The following CDKAL1 variants were observed in gnomAD, a reference collection of about 807,000 sequenced individuals.
CDKAL1 encodes threonylcarbamoyladenosine tRNA methylthiotransferase.
A neutral mutation model predicts 68.2 loss-of-function variants in CDKAL1; 32 were observed. The observed-to-expected ratio is 0.47, with a 90% confidence interval of 0.35 to 0.63. CDKAL1 has a LOEUF of 0.63. Among genes scored for constraint, CDKAL1 ranks in the 30% least tolerant of loss-of-function variants. The pLI is 0.00. For missense variants in CDKAL1, 606 were observed against 696.7 expected (o/e 0.87, Z 1.47); for synonymous variants, 234 against 244.3 (o/e 0.96, Z 0.39).
At chr6:20,997,711 G>T (rs1020340274) in intron 10 of CDKAL1, among the ~76,000 whole-genome samples, 1 of 152,040 alleles carries the variant, frequency 6.6e-6, no homozygotes, top group Non-Finnish European at 1.5e-5. Flanking sequence ...TCTCTGGCCC[G>T]GGGTCATGTT....
intron 9 of CDKAL1, among the ~76,000 whole-genome samples, chr6:20,951,700 A>G (rs140847678): frequency 2.1e-3 from 322 of 152,312 alleles, no homozygotes; most frequent in African/African-American, 7.4e-3. Context: ...CGATCTGATG[A>G]ACATAATGTT....
At chr6:20,671,472 T>C (rs910972305) in intron 5 of CDKAL1, among the ~76,000 whole-genome samples, 1 of 152,204 alleles carries the variant, frequency 6.6e-6, no homozygotes, top group Non-Finnish European at 1.5e-5. Flanking sequence ...CCATTAAATT[T>C]ATGAATCTTT....
At chr6:20,663,690 T>C (rs1410176381) in intron 5 of CDKAL1, among the ~76,000 whole-genome samples, 1 of 152,050 alleles carries the variant, frequency 6.6e-6, no homozygotes, top group Non-Finnish European at 1.5e-5. Context: ...GGAAAATATG[T>C]TTTTCATTGT....
intron 11 of CDKAL1, among the ~76,000 whole-genome samples, chr6:21,056,122 G>A (rs200896901): frequency 5.9e-5 from 9 of 152,212 alleles, no homozygotes; most frequent in East Asian, 1.9e-4. Context: ...CTAATGATCC[G>A]TGATGTTGAG....
chr6:21,048,164 G>C (rs1403237895), intron 11 of CDKAL1, among the ~76,000 whole-genome samples: 1 of 152,126 alleles, frequency 6.6e-6, no homozygotes, highest in Non-Finnish European at 1.5e-5. Context: ...TGTTGCAACT[G>C]TCACAACTAC....
chr6:21,087,336 C>CT (rs1279376184), intron 12 of CDKAL1, among the ~76,000 whole-genome samples: 2 of 150,468 alleles, frequency 1.3e-5, no homozygotes, highest in African/African-American at 4.9e-5. Context: ...AACTTCAAGT[C>CT]TTTGTTTTTT....
intron 4 of CDKAL1, among the ~76,000 whole-genome samples, chr6:20,565,794 G>T (rs1169490173): frequency 6.6e-6 from 1 of 152,078 alleles, no homozygotes; most frequent in East Asian, 1.9e-4. Context: ...CCTAGAGGCC[G>T]TAGTCTTAGG....
At chr6:20,819,846 T>G (rs1347927640) in intron 8 of CDKAL1, among the ~76,000 whole-genome samples, 3 of 152,026 alleles carry the variant, frequency 2.0e-5, no homozygotes, top group Admixed American at 6.6e-5. Flanking sequence ...TTTTATTTAT[T>G]ATTTTTATTA....
intron 11 of CDKAL1, among the ~76,000 whole-genome samples, chr6:21,029,038 C>G (rs912394955): frequency 3.3e-5 from 5 of 151,756 alleles, no homozygotes; most frequent in African/African-American, 1.2e-4. Context: ...TGTCATTAAC[C>G]TCTCTTTTCT....
chr6:20,877,796 C>T (rs147668475), intron 9 of CDKAL1, among the ~76,000 whole-genome samples: 264 of 152,288 alleles, frequency 1.7e-3, no homozygotes, highest in Admixed American at 2.8e-3. Flanking sequence ...CCCTTGACTG[C>T]TTAAAATGTC....
intron 5 of CDKAL1, among the ~76,000 whole-genome samples, chr6:20,736,705 G>A (rs1201445670): frequency 6.6e-6 from 1 of 151,494 alleles, no homozygotes; most frequent in Non-Finnish European, 1.5e-5. Flanking sequence ...CCAGGAGGCG[G>A]AACTTGGAGT....
intron 5 of CDKAL1, among the ~76,000 whole-genome samples, chr6:20,685,895 G>T (rs1770596538): frequency 6.6e-6 from 1 of 152,002 alleles, no homozygotes; most frequent in African/African-American, 2.4e-5. Context: ...GGCTCTTGTA[G>T]TTTATTTTCT....
intron 15 of CDKAL1, among the ~76,000 whole-genome samples, chr6:21,229,710 C>A (rs2151131666): frequency 6.6e-6 from 1 of 152,330 alleles, no homozygotes; most frequent in Non-Finnish European, 1.5e-5. Context: ...TTCCACACCC[C>A]TCCTTCCATC....
At chr6:21,187,098 G>A (rs911264648) in intron 13 of CDKAL1, among the ~76,000 whole-genome samples, 3 of 152,064 alleles carry the variant, frequency 2.0e-5, no homozygotes, top group Non-Finnish European at 4.4e-5. Flanking sequence ...CTTTGCACTG[G>A]TGTATGTTTG....
chr6:21,091,990 C>A (rs904117819), intron 12 of CDKAL1, among the ~76,000 whole-genome samples: 2 of 149,182 alleles, frequency 1.3e-5, no homozygotes, highest in Non-Finnish European at 3.0e-5. Context: ...GGGTTCACGC[C>A]ATTCTCCTGC....
chr6:20,815,825 G>A (rs1209694577), intron 8 of CDKAL1, among the ~76,000 whole-genome samples: 1 of 152,138 alleles, frequency 6.6e-6, no homozygotes, highest in African/African-American at 2.4e-5. Context: ...TAACACAACT[G>A]AGATCAGTTT....
At chr6:21,037,754 T>A (rs191037062) in intron 11 of CDKAL1, among the ~76,000 whole-genome samples, 1 of 152,370 alleles carries the variant, frequency 6.6e-6, no homozygotes, top group East Asian at 1.9e-4. Flanking sequence ...TCATTCAAAC[T>A]GATTCATTCT....
chr6:20,639,482 C>T (rs147425618), intron 4 of CDKAL1, among the ~76,000 whole-genome samples: 25 of 152,220 alleles, frequency 1.6e-4, no homozygotes, highest in African/African-American at 5.8e-4. Context: ...TTTTTCTGCT[C>T]GTTCTCCCAG....
intron 2 of CDKAL1, among the ~76,000 whole-genome samples, chr6:20,541,810 G>A (rs1361680512): frequency 2.0e-5 from 3 of 152,272 alleles, no homozygotes; most frequent in East Asian, 3.9e-4. Context: ...ACAGGCATGT[G>A]CCACCACGCC....
Sources: gnomAD v4.1 joint callset for allele counts (sites outside exome capture counted in the v4.1 genomes callset) on GRCh38, gnomAD v4.1.1 for gene constraint, MANE v1.5 for transcripts, NCBI Gene and HGNC (gene_info 2026-07-23, HGNC 2026-07-21) for gene names.